ZNF888: variants seen among roughly 807,000 people sequenced by gnomAD.
ZNF888 encodes the protein zinc finger protein 888, also known as CTD-2331H12.6.
ZNF888 carries 5 observed loss-of-function variants against 7.2 expected under a neutral mutation model. The ratio of observed to expected loss-of-function variants is 0.70; its 90% CI spans 0.36 to 1.46. The LOEUF (loss-of-function observed/expected upper bound fraction) is 1.46. ZNF888 is among the 40% of genes most tolerant of loss of function. ZNF888 has a pLI of 0.03. For missense variants in ZNF888, 716 were observed against 858.0 expected, an observed-to-expected ratio of 0.83 and a Z score of 2.07; for synonymous variants, 240 against 284.3, an observed-to-expected ratio of 0.84 and a Z score of 1.57.
In ZNF888 at chr19:52,920,054, C is replaced by T. The variant is rs1388927967; in HGVS notation, c.-177-1117G>A. On this transcript the variant is annotated intron_variant, in intron 1 of 4. Transcript: ENST00000638862. ...CCTCTGCCCGGCCAGCCGCCCCGTC[C>T]GGGAGGGAGGTTGGGGGGTCAGCCC... Among the ~76,000 whole-genome samples the T allele has an allele frequency of 7.8e-5, 4 of 51,378 alleles. 1 individual carries two copies. The highest frequency in any genetic ancestry group is 1.3e-4 in the Non-Finnish European group (3 of 22,684). The allele number at this position is 51,378 out of a possible 152,430, so 33.7% of individuals were successfully genotyped here.
chr19:52,913,576 A>G, intron 4 of ZNF888: 1 of 315,188 alleles, frequency 3.2e-6, no homozygotes, highest in Non-Finnish European at 4.6e-6. Flanking sequence ...CCCCCGGCTC[A>G]GCCTCCCAAA....
intron 4 of ZNF888, among the ~76,000 whole-genome samples, chr19:52,912,647 T>C (rs1454115145): frequency 6.6e-6 from 1 of 151,384 alleles, no homozygotes; most frequent in Non-Finnish European, 1.5e-5. Context: ...GGAGAATCGC[T>C]TGAACCTGGG....
At chr19:52,911,399 C>G (rs2064676759) in intron 4 of ZNF888, among the ~76,000 whole-genome samples, 1 of 149,674 alleles carries the variant, frequency 6.7e-6, no homozygotes, top group African/African-American at 2.5e-5. Flanking sequence ...AGTGCAGTGG[C>G]ATGATCTCAG....
rs1429489624 is a variant in ZNF888 at position 52,908,146 on chromosome 19, GATGAGAACTCCATC to G, written c.162_175del (p.Met54IlefsTer32). 3 of 1,613,924 alleles carry G rather than the reference GATGAGAACTCCATC, an allele frequency of 1.9e-6. No homozygotes were observed. The South Asian group carries it at 3.3e-5, about 18-fold the overall frequency. ...CACTTCTGTATTGCCTTTCCCTATTGATGAGAACTCCATCATGCATTTGGAAGAGATATCTACAA... is the reference window on the plus strand; with the variant it reads ...CACTTCTGTATTGCCTTTCCCTATTGATGCATTTGGAAGAGATATCTACAA... On this transcript the variant is annotated frameshift_variant, in exon 5 of 5. Coordinates refer to ENST00000638862, the MANE Select transcript of ZNF888 (RefSeq NM_001393938.1). LOFTEE classifies it low-confidence loss of function (END_TRUNC).
At position 52,907,529 on chromosome 19, in the gene ZNF888, T is replaced by A. The variant is rs190989558; in HGVS notation, c.793A>T (p.Thr265Ser). 3.7e-6 allele frequency: 6 copies of A among 1,609,340 alleles called. No individual in the cohort carries two copies. The East Asian group carries it at 1.3e-4, about 36-fold the overall frequency. ...TTACACATGTAAGGTTTCTCACCAGTGTGACATCTACGATGGTGTGCAAGG... is the reference window on the plus strand; with the variant it reads ...TTACACATGTAAGGTTTCTCACCAGAGTGACATCTACGATGGTGTGCAAGG... The part of the protein sequence containing the change: ...RYLAHHRRCH[T>S]GEKPYMCNKC... Residue 265 changes from threonine to serine, a missense_variant, in exon 5 of 5, where the codon ACT (threonine) becomes TCT (serine). Coordinates refer to ENST00000638862, the MANE Select transcript of ZNF888 (RefSeq NM_001393938.1).
At chr19:52,917,062 ACT>A (rs1428988032) in intron 3 of ZNF888, among the ~76,000 whole-genome samples, 4 of 110,968 alleles carry the variant, frequency 3.6e-5, no homozygotes. Flanking sequence ...TAGTAACACC[ACT>A]GTCTCCATGA....
Position 52,907,540 on chromosome 19 carries a change from C to A in ZNF888, c.782G>T (p.Arg261Leu). ...FNQKRYLAHH[R>L]RCHTGEKPYM... ...AGGTTTCTCACCAGTGTGACATCTA[C>A]GATGGTGTGCAAGGTATCGCTTCTG... Residue 261 changes from arginine (R) to leucine (L), a missense_variant, in exon 5 of 5, where the codon CGT (arginine) becomes CTT (leucine). Coordinates refer to ENST00000638862, the MANE Select transcript of ZNF888 (RefSeq NM_001393938.1). The A allele has an allele frequency of 6.2e-7, 1 of 1,609,542 alleles. No homozygotes were observed. The highest frequency in any genetic ancestry group is 8.5e-7 in the Non-Finnish European group (1 of 1,178,164).
intron 1 of ZNF888, among the ~76,000 whole-genome samples, chr19:52,922,526 T>C (rs1357036777): frequency 6.6e-6 from 1 of 152,196 alleles, no homozygotes; most frequent in Non-Finnish European, 1.5e-5. Flanking sequence ...AGCTTTTCTC[T>C]ACATTTCTCC....
chr19:52,907,295 G>A lies in ZNF888; in HGVS notation c.1027C>T (p.Arg343Cys), dbSNP rs962366100. 74 of 1,612,172 alleles carry A rather than the reference G, an allele frequency of 4.6e-5. No individual in the cohort carries two copies. The highest frequency in any genetic ancestry group is 3.5e-4 in the Admixed American group (21 of 59,790). Reference sequence around the variant, plus strand: ...TCTCCAGTATGAACTCTATGATGACGTGCAAGGTTTGATTGTTGATTAAAA... The same window carrying A: ...TCTCCAGTATGAACTCTATGATGACATGCAAGGTTTGATTGTTGATTAAAA... ...KVFNQQSNLA[R>C]HHRVHTGEKP... The change falls in exon 5 of 5, where the codon CGT becomes TGT. Residue 343 changes from arginine (R) to cysteine (C), a missense_variant. Coordinates refer to ENST00000638862, the MANE Select transcript of ZNF888 (RefSeq NM_001393938.1).
chr19:52,912,267 C>G (rs927316214), intron 4 of ZNF888, among the ~76,000 whole-genome samples: 2 of 150,474 alleles, frequency 1.3e-5, no homozygotes, highest in Admixed American at 1.3e-4. Flanking sequence ...GCACCTGCCA[C>G]CGCGCCCGGC....
At chr19:52,916,623 T>TAC (rs1348956380) in intron 3 of ZNF888, among the ~76,000 whole-genome samples, 97 of 132,970 alleles carry the variant, frequency 7.3e-4, no homozygotes, top group African/African-American at 2.6e-3. Flanking sequence ...TACATATATA[T>TAC]ATATATATAT....
At position 52,917,854 on chromosome 19, in the gene ZNF888, C is replaced by G; in HGVS notation, c.15+5G>C. The G allele has an allele frequency of 6.2e-7, 1 of 1,613,514 alleles. No homozygotes were observed. Among genetic ancestry groups the G allele is most frequent in the Non-Finnish European group, 8.5e-7 (1 of 1,179,972 alleles). ...CAGAACAATCCACAGAGAATATCAT[C>G]TCACCTGAGGAAGAGCCATCCCTGA... On this transcript the variant is annotated splice_donor_5th_base_variant and intron_variant, in intron 3 of 4. Transcript: ENST00000638862.
In ZNF888 at chr19:52,915,443, G is replaced by A. The variant is rs1022461760; in HGVS notation, c.16-121C>T. 21 of 1,603,670 alleles carry A rather than the reference G, an allele frequency of 1.3e-5. No individual in the cohort carries two copies. The South Asian group carries it at 1.9e-4, about 14-fold the overall frequency. The stretch of plus-strand genomic sequence containing the variant: ...GTAGTGAATGTTCTGACAAATCCGA[G>A]TAAGGGATTCTTCACCACATGATGT... On this transcript the variant is annotated intron_variant, in intron 3 of 4. Transcript: ENST00000638862.
chr19:52,910,933 T>A (rs1361204233), intron 4 of ZNF888, among the ~76,000 whole-genome samples: 1 of 152,084 alleles, frequency 6.6e-6, no homozygotes, highest in Non-Finnish European at 1.5e-5. Context: ...CGGGCTGGAG[T>A]GCAGTGGGGT....
chr19:52,922,339 G>A (rs2064831305), intron 1 of ZNF888, among the ~76,000 whole-genome samples: 1 of 151,602 alleles, frequency 6.6e-6, no homozygotes, highest in Admixed American at 6.6e-5. Context: ...TGGCACCCCA[G>A]ATTTCCCAGG....
rs572499578 is a variant in ZNF888 at position 52,905,592 on chromosome 19, G to C, written c.*573C>G. On this transcript the variant is annotated 3_prime_UTR_variant, in exon 5 of 5. Transcript: ENST00000638862. ...GGCCTCCCACAGTGCTAGCATTACA[G>C]GTGTGAGCCACCGCACTCAGCCTAA... The C allele has an allele frequency of 2.0e-4, 70 of 354,726 alleles. No individual in the cohort carries two copies. Among genetic ancestry groups the C allele is most frequent in the African/African-American group, 1.5e-3 (68 of 46,674 alleles). The allele number at this position is 354,726 out of a possible 1,614,324, so 22.0% of individuals were successfully genotyped here.
At chr19:52,923,284 A>C in intron 1 of ZNF888, 85 bp downstream of exon 1, 1 of 984,708 alleles carries the variant, frequency 1.0e-6, no homozygotes, top group South Asian at 4.7e-5. Context: ...GAGAATTTCC[A>C]GGTCTGTGGA....
chr19:52,910,136 C>A (rs186820306), intron 4 of ZNF888, among the ~76,000 whole-genome samples: 2 of 122,880 alleles, frequency 1.6e-5, no homozygotes, highest in East Asian at 5.0e-4. Context: ...GGGACTAGAG[C>A]GAGACTTCGT....
At chr19:52,914,347 C>A (rs566203917) in intron 4 of ZNF888, 11 of 984,936 alleles carry the variant, frequency 1.1e-5, no homozygotes, top group South Asian at 4.7e-5. Flanking sequence ...ATTTTCACTT[C>A]ACTCTCCACA....
Sources: allele counts gnomAD v4.1 joint callset (sites outside exome capture counted in the v4.1 genomes callset), GRCh38; gene constraint gnomAD v4.1.1; transcripts MANE v1.5; gene names NCBI Gene and HGNC (gene_info 2026-07-23, HGNC 2026-07-21).